Variants in TAX1BP1 observed in about 807,000 individuals in gnomAD.
TAX1BP1 encodes the protein Tax1 binding protein 1.
TAX1BP1 carries 62 observed loss-of-function variants against 97.7 expected under a neutral mutation model. The observed-to-expected ratio is 0.63, with a 90% CI of 0.52 to 0.78. TAX1BP1 has a LOEUF of 0.78. TAX1BP1 is among the 30% of genes least tolerant of loss of function. TAX1BP1 has a pLI of 0.00. For missense variants in TAX1BP1, 867 were observed against 916.1 expected, an observed-to-expected ratio of 0.95 and a Z score of 0.69; for synonymous variants, 340 against 304.2, an observed-to-expected ratio of 1.12 and a Z score of -1.23.
intron 7 of TAX1BP1, among the ~76,000 whole-genome samples, chr7:27,785,844 A>G (rs560954172): frequency 2.0e-5 from 3 of 152,274 alleles, no homozygotes; most frequent in Admixed American, 6.5e-5. Flanking sequence ...GTCATGTTGT[A>G]TATCACCCCT....
chr7:27,754,876 C>T (rs1788153093), intron 2 of TAX1BP1, among the ~76,000 whole-genome samples: 1 of 152,190 alleles, frequency 6.6e-6, no homozygotes, highest in Admixed American at 6.5e-5. Flanking sequence ...AACCACCCCA[C>T]CTGGCTTGTC....
chr7:27,827,874 A>G, intron 16 of TAX1BP1, 54 bp downstream of exon 16: 1 of 1,526,878 alleles, frequency 6.5e-7, no homozygotes, highest in Non-Finnish European at 9.0e-7. Flanking sequence ...AGTGGTTCTC[A>G]AAGGTGGTCC....
chr7:27,760,516 C>T (rs2128310065), intron 3 of TAX1BP1, among the ~76,000 whole-genome samples: 1 of 152,030 alleles, frequency 6.6e-6, no homozygotes, highest in South Asian at 2.1e-4. Flanking sequence ...CCTCAGCCTC[C>T]CAAGTAGCTG....
intron 12 of TAX1BP1, among the ~76,000 whole-genome samples, chr7:27,796,551 G>C (rs1477893183): frequency 9.2e-5 from 14 of 152,188 alleles, no homozygotes; most frequent in Admixed American, 6.5e-5. Context: ...TCATAAAAGG[G>C]AAGTGCTGTT....
At chr7:27,747,798 C>T (rs995434424) in intron 1 of TAX1BP1, among the ~76,000 whole-genome samples, 2 of 144,692 alleles carry the variant, frequency 1.4e-5, no homozygotes, top group Non-Finnish European at 3.1e-5. Flanking sequence ...TATGTATATT[C>T]GTATACACAC....
At chr7:27,739,749 C>G (rs1787493619), upstream of TAX1BP1, 1 of 152,198 alleles carries the variant, frequency 6.6e-6, no homozygotes, top group South Asian at 2.1e-4. Flanking sequence ...GTGGTCACTC[C>G]CTTGCTTCTC....
intron 15 of TAX1BP1, among the ~76,000 whole-genome samples, chr7:27,825,602 C>T (rs572707554): frequency 1.2e-4 from 19 of 152,270 alleles, no homozygotes; most frequent in South Asian, 4.1e-4. Flanking sequence ...ACAGAATAAT[C>T]GGGTTATCAT....
At chr7:27,811,038 A>T (rs367879569) in intron 13 of TAX1BP1, among the ~76,000 whole-genome samples, 2 of 152,258 alleles carry the variant, frequency 1.3e-5, no homozygotes, top group East Asian at 3.9e-4. Flanking sequence ...CTAATTATTT[A>T]TCTAGAGTTG....
intron 15 of TAX1BP1, among the ~76,000 whole-genome samples, chr7:27,818,942 C>T (rs559800765): frequency 2.0e-4 from 30 of 152,154 alleles, no homozygotes; most frequent in Non-Finnish European, 4.1e-4. Context: ...TCTTAGCCAC[C>T]TGTCAAATGG....
chr7:27,753,849 G>T (rs1231485307), intron 2 of TAX1BP1, among the ~76,000 whole-genome samples: 1 of 151,776 alleles, frequency 6.6e-6, no homozygotes, highest in South Asian at 2.1e-4. Context: ...TTGGGGTCTT[G>T]GTTGACCTTA....
intron 2 of TAX1BP1, among the ~76,000 whole-genome samples, chr7:27,756,037 A>G (rs1788198684): frequency 6.6e-6 from 1 of 152,182 alleles, no homozygotes; most frequent in African/African-American, 2.4e-5. Context: ...TTGAGCAGCA[A>G]GTTCTAGCCC....
In TAX1BP1 at chr7:27,816,937, G is replaced by C. The variant is rs1262057797; in HGVS notation, c.1984G>C (p.Val662Leu). 6.2e-7 allele frequency: 1 copy of C among 1,614,022 alleles called. No homozygotes were observed. The highest frequency in any genetic ancestry group is 8.5e-7 in the Non-Finnish European group (1 of 1,179,978). Reference sequence around the variant, plus strand: ...CCCAGATGAAATACAAAGGCCACCTGTCAGAGTCCCCTCTTGGGGACTGGA... The same window carrying C: ...CCCAGATGAAATACAAAGGCCACCTCTCAGAGTCCCCTCTTGGGGACTGGA... ...FYPDEIQRPP[V>L]RVPSWGLEDN... is the part of the protein sequence containing the mutation. Residue 662 changes from valine to leucine, a missense_variant, in exon 15 of 17, where the codon GTC (valine) becomes CTC (leucine). By Grantham distance (32) the Val-to-Leu change is conservative. Around this residue, in one of 3 missense-constraint regions of TAX1BP1, gnomAD observed 822 missense variants for 851.4 expected, o/e 0.97. Coordinates refer to ENST00000396319, the MANE Select transcript of TAX1BP1 (RefSeq NM_006024.7).
chr7:27,792,269 G>C, intron 9 of TAX1BP1, 39 bp downstream of exon 9: 1 of 1,515,892 alleles, frequency 6.6e-7, no homozygotes, highest in Non-Finnish European at 9.0e-7. Flanking sequence ...TTTGATTTAA[G>C]AAACCACTAT....
chr7:27,748,960 C>T (rs1787925465), intron 2 of TAX1BP1, among the ~76,000 whole-genome samples: 1 of 152,048 alleles, frequency 6.6e-6, no homozygotes, highest in Admixed American at 6.6e-5. Flanking sequence ...CCATTCATTA[C>T]CTGCAATAAA....
At chr7:27,749,112 A>G (rs1562696158) in intron 2 of TAX1BP1, among the ~76,000 whole-genome samples, 1 of 152,190 alleles carries the variant, frequency 6.6e-6, no homozygotes, top group Non-Finnish European at 1.5e-5. Context: ...TGTATTACAC[A>G]GTTTTAAGAG....
chr7:27,763,006 A>G (rs572846406), intron 3 of TAX1BP1, among the ~76,000 whole-genome samples: 1 of 152,216 alleles, frequency 6.6e-6, no homozygotes, highest in Non-Finnish European at 1.5e-5. Flanking sequence ...GTTTCTGAAA[A>G]TTCAACAGTT....
chr7:27,767,183 A>G (rs1166393515), intron 4 of TAX1BP1, among the ~76,000 whole-genome samples: 2 of 152,156 alleles, frequency 1.3e-5, no homozygotes, highest in Non-Finnish European at 2.9e-5. Flanking sequence ...TTAATTGTAT[A>G]TAGTGCCCTC....
chr7:27,745,514 A>G (rs1227581918), intron 1 of TAX1BP1, among the ~76,000 whole-genome samples: 3 of 152,248 alleles, frequency 2.0e-5, no homozygotes, highest in Non-Finnish European at 4.4e-5. Flanking sequence ...TAATTTAATA[A>G]GAGTAAAAAA....
chr7:27,754,060 A>G (rs1246540998), intron 2 of TAX1BP1, among the ~76,000 whole-genome samples: 1 of 152,222 alleles, frequency 6.6e-6, no homozygotes, highest in East Asian at 1.9e-4. Flanking sequence ...GTCATGTGAC[A>G]TGTTCAAAGT....
Sources: gnomAD v4.1 joint callset for allele counts (sites outside exome capture counted in the v4.1 genomes callset) on GRCh38, gnomAD v4.1.1 for gene constraint, gnomAD v4.1.1 regional missense constraint, MANE v1.5 for transcripts, NCBI Gene and HGNC (gene_info 2026-07-23, HGNC 2026-07-21) for gene names.